GBF1: variants seen among roughly 807,000 people sequenced by gnomAD.
GBF1 encodes Golgi-specific brefeldin A-resistance guanine nucleotide exchange factor 1.
A neutral mutation model predicts 210.5 loss-of-function variants in GBF1; 114 were observed. The observed-to-expected ratio is 0.54, with a 90% CI of 0.47 to 0.63. The LOEUF (loss-of-function observed/expected upper bound fraction) is 0.63. Ranked by LOEUF, GBF1 falls within the 30% of genes least tolerant of loss-of-function variation. The probability of loss-of-function intolerance (pLI) is 0.00; values close to 1 mark genes in which losing one functional copy is unlikely to be tolerated. For synonymous variants in GBF1, 850 were observed against 889.2 expected (o/e 0.96, Z 0.78); for missense variants, 1,851 against 2,357.7 (o/e 0.79, Z 4.45).
At chr10:102,306,947 A>T (rs2077934760) in intron 3 of GBF1, among the ~76,000 whole-genome samples, 1 of 151,922 alleles carries the variant, frequency 6.6e-6, no homozygotes, top group Non-Finnish European at 1.5e-5. Flanking sequence ...ATCATATTTC[A>T]GGGATCTATG....
In GBF1 at chr10:102,369,841, C is replaced by T. The variant is rs778498479; in HGVS notation, c.3216-20C>T. Reference sequence around the variant, plus strand: ...GTCAGAACTTTGGGGCTCACCAGGCCATGTGCCCTTTTTCTACAGAGGAGA... The same window carrying T: ...GTCAGAACTTTGGGGCTCACCAGGCTATGTGCCCTTTTTCTACAGAGGAGA... On this transcript the variant is annotated intron_variant, in intron 25 of 39. Transcript: ENST00000369983. 1.2e-6 allele frequency: 2 copies of T among 1,614,094 alleles called. No homozygotes were observed. The highest frequency in any genetic ancestry group is 1.1e-5 in the South Asian group (1 of 91,088).
At chr10:102,257,768 G>A (rs972368462) in intron 1 of GBF1, among the ~76,000 whole-genome samples, 1 of 151,910 alleles carries the variant, frequency 6.6e-6, no homozygotes, top group Non-Finnish European at 1.5e-5. Flanking sequence ...TATATACTTA[G>A]GAGAGAGCGA....
Position 102,360,250 on chromosome 10 carries a change from C to G in GBF1, c.1247C>G (p.Thr416Ser). The part of the protein sequence containing the change: ...RELFRFLISL[T>S]NPHDRHNSEV... ...CTCTTCCGCTTCCTCATCTCCCTCA[C>G]CAATCCACACGACCGCCATAACTCA... Residue 416 changes from threonine (T) to serine (S), a missense_variant, in exon 12 of 40, where the codon ACC becomes AGC. Thr to Ser is a moderately conservative substitution (Grantham distance 58). Coordinates refer to ENST00000369983, the MANE Select transcript of GBF1 (RefSeq NM_001377137.1). 1 of 1,613,938 alleles carries G rather than the reference C, an allele frequency of 6.2e-7. No homozygotes were observed. The highest frequency in any genetic ancestry group is 1.1e-5 in the South Asian group (1 of 91,088).
intron 3 of GBF1, among the ~76,000 whole-genome samples, chr10:102,296,175 C>T (rs550199034): frequency 5.3e-5 from 8 of 152,282 alleles, no homozygotes; most frequent in African/African-American, 1.9e-4. Context: ...ACCAAGGTCA[C>T]ATAGCTTATC....
intron 7 of GBF1, 76 bp from the exon 8 acceptor site, chr10:102,353,524 T>G: frequency 1.0e-6 from 1 of 980,766 alleles, no homozygotes; most frequent in Non-Finnish European, 1.7e-6. Context: ...TCAGAGCACC[T>G]TTGGTTTGTG....
intron 1 of GBF1, among the ~76,000 whole-genome samples, chr10:102,252,330 C>T (rs1031143898): frequency 6.0e-4 from 86 of 143,756 alleles, no homozygotes; most frequent in African/African-American, 2.1e-3. Context: ...AAGGGGGAAA[C>T]GCTGTCTCAA....
At chr10:102,350,883 A>C (rs1376360470) in intron 4 of GBF1, among the ~76,000 whole-genome samples, 2 of 152,124 alleles carry the variant, frequency 1.3e-5, no homozygotes, top group Non-Finnish European at 2.9e-5. Context: ...CAGGAGTTCA[A>C]GACCAGCCTA....
intron 3 of GBF1, among the ~76,000 whole-genome samples, chr10:102,326,780 T>C (rs2056933918): frequency 6.6e-6 from 1 of 152,176 alleles, no homozygotes; most frequent in African/African-American, 2.4e-5. Context: ...ATATACTCTT[T>C]CATAGCTAGC....
chr10:102,284,222 G>A (rs1413908022), intron 3 of GBF1, among the ~76,000 whole-genome samples: 1 of 152,160 alleles, frequency 6.6e-6, no homozygotes, highest in Non-Finnish European at 1.5e-5. Context: ...TCAAATTAGA[G>A]ATAAGAGGAT....
chr10:102,376,862 G>A, intron 32 of GBF1, 62 bp downstream of exon 32: 1 of 1,609,360 alleles, frequency 6.2e-7, no homozygotes, highest in Non-Finnish European at 8.5e-7. Context: ...GGGAGAGGCT[G>A]AGAGGGGAGA....
At chr10:102,359,467 C>T in intron 11 of GBF1, 32 bp downstream of exon 11, 1 of 1,536,332 alleles carries the variant, frequency 6.5e-7, no homozygotes, top group Non-Finnish European at 9.0e-7. Flanking sequence ...GCCAATTCAC[C>T]TCCCCCATCC....
At chr10:102,242,630 C>T (rs151317381), upstream of GBF1, among the ~76,000 whole-genome samples, 16 of 152,230 alleles carry the variant, frequency 1.1e-4, no homozygotes, top group South Asian at 2.1e-4. Flanking sequence ...TTGGGTGCTC[C>T]GAAGAGCCTA....
intron 3 of GBF1, among the ~76,000 whole-genome samples, chr10:102,305,178 TGTGTG>T (rs1565086979): frequency 7.1e-3 from 38 of 5,388 alleles, no homozygotes; most frequent in Non-Finnish European, 0.055. Flanking sequence ...TGCAGATTTG[TGTGTG>T]TGTGTGTGTG....
chr10:102,380,568 C>G lies in GBF1; in HGVS notation c.5055C>G (p.Phe1685Leu). The G allele has an allele frequency of 6.2e-7, 1 of 1,614,078 alleles. No homozygotes were observed. The highest frequency in any genetic ancestry group is 8.5e-7 in the Non-Finnish European group (1 of 1,179,986). Reference protein sequence around the residue: ...MLLVMDTAEIFHSADARGGGP... With the variant: ...MLLVMDTAEILHSADARGGGP... Reference sequence around the variant, plus strand: ...TGGTGATGGACACAGCGGAGATTTTCCACAGTGCAGATGCACGGGGAGGCG... The same window carrying G: ...TGGTGATGGACACAGCGGAGATTTTGCACAGTGCAGATGCACGGGGAGGCG... The change falls in exon 38 of 40, where the codon TTC becomes TTG. Residue 1685 changes from phenylalanine to leucine, a missense_variant. By Grantham distance (22) the Phe-to-Leu change is conservative. Transcript: ENST00000369983.
At chr10:102,354,483 C>G (rs535626545) in intron 8 of GBF1, among the ~76,000 whole-genome samples, 1 of 151,914 alleles carries the variant, frequency 6.6e-6, no homozygotes, top group South Asian at 2.1e-4. Context: ...CTCTCCCTCT[C>G]TTTCCCTTCC....
At chr10:102,321,233 A>G (rs1331800987) in intron 3 of GBF1, among the ~76,000 whole-genome samples, 1 of 152,206 alleles carries the variant, frequency 6.6e-6, no homozygotes, top group Non-Finnish European at 1.5e-5. Context: ...CTTTCCCACT[A>G]CACAGGAAAC....
chr10:102,258,793 A>AG lies in GBF1; in HGVS notation c.-10-136_-10-135insG. ...CTGCCTCAAAAAAAAAAAAAAAAAA[A>AG]AGAAAGAAAGAAAGAAAATCTTGGT... On this transcript the variant is annotated intron_variant, in intron 1 of 39. Transcript: ENST00000369983. 1.4e-5 allele frequency: 7 copies of AG among 513,180 alleles called. No homozygotes were observed. The East Asian group carries it at 2.3e-4, about 17-fold the overall frequency. 31.8% of individuals were successfully genotyped at this position (513,180 alleles called of 1,614,324 possible).
intron 1 of GBF1, among the ~76,000 whole-genome samples, chr10:102,249,445 G>T (rs532979072): frequency 6.6e-6 from 1 of 152,184 alleles, no homozygotes; most frequent in Non-Finnish European, 1.5e-5. Flanking sequence ...GCATGCTAGA[G>T]CTGAGGTACC....
chr10:102,257,274 A>T (rs2072540567), intron 1 of GBF1, among the ~76,000 whole-genome samples: 1 of 152,128 alleles, frequency 6.6e-6, no homozygotes, highest in African/African-American at 2.4e-5. Flanking sequence ...TCTGGAGCTG[A>T]CTGGGCAGAT....
Sources: allele counts gnomAD v4.1 joint callset (sites outside exome capture counted in the v4.1 genomes callset), GRCh38; gene constraint gnomAD v4.1.1; transcripts MANE v1.5; gene names NCBI Gene and HGNC (gene_info 2026-07-23, HGNC 2026-07-21).